The following MTR variants were observed in gnomAD, a reference collection of about 807,000 sequenced individuals.
The protein encoded by MTR is methionine synthase.
MTR carries 84 observed loss-of-function variants against 154.8 expected under a neutral mutation model. The observed-to-expected ratio is 0.54, with a 90% confidence interval of 0.45 to 0.65. MTR has a LOEUF of 0.65. Ranked by LOEUF, MTR falls within the 30% of genes least tolerant of loss-of-function variation. The pLI, the probability that MTR is intolerant of heterozygous loss-of-function variation, is 0.00. For missense variants in MTR, 1,275 were observed against 1,570.2 expected (o/e 0.81, Z 3.18); for synonymous variants, 554 against 553.9 (o/e 1.00, Z 0.00).
At chr1:236,848,429 G>T (rs1421494743) in intron 15 of MTR, among the ~76,000 whole-genome samples, 1 of 152,164 alleles carries the variant, frequency 6.6e-6, no homozygotes. Context: ...GAGCTTAGAT[G>T]AGCCATGAAC....
chr1:236,810,972 T>C (rs1661269893), intron 5 of MTR, among the ~76,000 whole-genome samples: 1 of 152,190 alleles, frequency 6.6e-6, no homozygotes, highest in Non-Finnish European at 1.5e-5. Context: ...GTCCAAACTA[T>C]CTAGACATCT....
At chr1:236,859,043 T>C (rs1245327467) in intron 18 of MTR, among the ~76,000 whole-genome samples, 1 of 152,254 alleles carries the variant, frequency 6.6e-6, no homozygotes, top group African/African-American at 2.4e-5. Context: ...ACCTCTCTTA[T>C]GACATGGCTG....
chr1:236,862,170 C>G, intron 20 of MTR, 66 bp from the exon 21 acceptor site: 9 of 1,332,850 alleles, frequency 6.8e-6, no homozygotes, highest in South Asian at 1.2e-5. Context: ...CCAAATTTCA[C>G]AAGTGGCCAT....
At chr1:236,798,312 T>C (rs1660514910) in intron 1 of MTR, among the ~76,000 whole-genome samples, 1 of 152,242 alleles carries the variant, frequency 6.6e-6, no homozygotes, top group Non-Finnish European at 1.5e-5. Flanking sequence ...ATTAGGAATT[T>C]ATTTGTTTAG....
At chr1:236,822,506 T>C (rs61831814) in intron 8 of MTR, among the ~76,000 whole-genome samples, 53,422 of 151,804 alleles carry the variant, frequency 0.35, 10,160 homozygotes, top group East Asian at 0.44. Flanking sequence ...GGTAGGGTTT[T>C]ACTGTGTTGC....
intron 31 of MTR, among the ~76,000 whole-genome samples, chr1:236,896,797 T>A (rs1406042142): frequency 6.6e-6 from 1 of 152,168 alleles, no homozygotes; most frequent in Non-Finnish European, 1.5e-5. Flanking sequence ...TTAGAGGAGA[T>A]CTGCATGTCC....
At chr1:236,859,707 T>C in intron 18 of MTR, 126 bp from the exon 19 acceptor site, 1 of 736,430 alleles carries the variant, frequency 1.4e-6, no homozygotes, top group East Asian at 2.7e-5. Flanking sequence ...CTGGACAGTC[T>C]ACTAGGGGCT....
At chr1:236,883,096 A>C (rs76428667) in intron 25 of MTR, among the ~76,000 whole-genome samples, 1 of 152,218 alleles carries the variant, frequency 6.6e-6, no homozygotes, top group Non-Finnish European at 1.5e-5. Context: ...TTCTTCTTTA[A>C]TAAAAAACGA....
intron 24 of MTR, among the ~76,000 whole-genome samples, chr1:236,878,907 T>C (rs1463268785): frequency 6.6e-6 from 1 of 152,248 alleles, no homozygotes; most frequent in Non-Finnish European, 1.5e-5. Context: ...GGCTCTTGAC[T>C]CACTGGCTTA....
At position 236,795,319 on chromosome 1, in the gene MTR, A is replaced by G; in HGVS notation, c.-385A>G. The stretch of plus-strand genomic sequence containing the variant: ...AACTAACCGCGCTCTGAAAGGTTCT[A>G]AATGTCTGCGGGGCTCAGAGCCGGA... On this transcript the variant is annotated 5_prime_UTR_variant, in exon 1 of 33. Transcript: ENST00000366577. 2.4e-6 allele frequency: 3 copies of G among 1,263,374 alleles called. No homozygotes were observed. Among genetic ancestry groups the G allele is most frequent in the Non-Finnish European group, 3.1e-6 (3 of 978,856 alleles). The allele number at this position is 1,263,374 out of a possible 1,614,324, so 78.3% of individuals were successfully genotyped here.
At chr1:236,865,747 A>G (rs1299964300) in intron 22 of MTR, among the ~76,000 whole-genome samples, 1 of 152,044 alleles carries the variant, frequency 6.6e-6, no homozygotes, top group Non-Finnish European at 1.5e-5. Context: ...TTTGTTTACC[A>G]CTTCCCAATT....
At chr1:236,890,189 C>T (rs564585706) in intron 28 of MTR, among the ~76,000 whole-genome samples, 3 of 152,142 alleles carry the variant, frequency 2.0e-5, no homozygotes, top group Non-Finnish European at 4.4e-5. Flanking sequence ...TGCTGAGACT[C>T]AGGAACTCTC....
At chr1:236,874,965 G>T in intron 24 of MTR, 119 bp downstream of exon 24, 2 of 1,162,788 alleles carry the variant, frequency 1.7e-6, no homozygotes, top group South Asian at 2.7e-5. Flanking sequence ...TTGACTTTTT[G>T]TTATATAAAC....
chr1:236,886,746 G>T (rs1666031040), intron 27 of MTR, among the ~76,000 whole-genome samples: 1 of 152,190 alleles, frequency 6.6e-6, no homozygotes, highest in Non-Finnish European at 1.5e-5. Context: ...CTGTGCTTGC[G>T]TGGGTCCCCG....
intron 3 of MTR, among the ~76,000 whole-genome samples, 154 bp from the exon 4 acceptor site, chr1:236,808,550 A>T (rs1405200323): frequency 6.6e-6 from 1 of 152,220 alleles, no homozygotes; most frequent in African/African-American, 2.4e-5. Context: ...TCTGGAGCTG[A>T]TATGCCTGCT....
chr1:236,843,846 G>A (rs919009692), intron 15 of MTR, among the ~76,000 whole-genome samples: 1 of 152,178 alleles, frequency 6.6e-6, no homozygotes, highest in Non-Finnish European at 1.5e-5. Flanking sequence ...TTTGGGATGG[G>A]GTAAGGAGAA....
intron 18 of MTR, among the ~76,000 whole-genome samples, chr1:236,855,638 T>C (rs1488346107): frequency 2.6e-5 from 4 of 152,212 alleles, no homozygotes; most frequent in Non-Finnish European, 5.9e-5. Flanking sequence ...AGCAGTTTAC[T>C]CCCTTTGATA....
At position 236,803,606 on chromosome 1, in the gene MTR, T is replaced by C. The variant is rs200338330; in HGVS notation, c.213T>C (p.Ser71=). ...TGAAAGGCAACAATGACATTTTAAG[T>C]ATAACTCAGCCTGATGTCATTTACC... The part of the protein sequence containing the change: ...RPLKGNNDIL[S]ITQPDVIYQI... Residue 71 remains serine (S), a synonymous_variant, in exon 2 of 33, where the codon AGT becomes AGC. Coordinates refer to ENST00000366577, the MANE Select transcript of MTR (RefSeq NM_000254.3). 1.7e-5 allele frequency: 27 copies of C among 1,614,172 alleles called. No individual in the cohort carries two copies. Among genetic ancestry groups the C allele is most frequent in the Non-Finnish European group, 2.3e-5 (27 of 1,180,008 alleles).
Position 236,816,471 on chromosome 1 carries a change from A to C in MTR, c.692A>C (p.Lys231Thr). Reference protein sequence around the residue: ...PIFISGTIVDKSGRTLSGQTG... With the variant: ...PIFISGTIVDTSGRTLSGQTG... ...CAGATTTCAGGGACGATCGTTGATAAAAGTGGGCGGACTCTTTCCGGACAG... is the reference window on the plus strand; with the variant it reads ...CAGATTTCAGGGACGATCGTTGATACAAGTGGGCGGACTCTTTCCGGACAG... Residue 231 changes from lysine to threonine, a missense_variant, in exon 8 of 33, where the codon AAA becomes ACA. Physicochemically the swap from Lys to Thr is moderately conservative, Grantham distance 78. Coordinates refer to ENST00000366577, the MANE Select transcript of MTR (RefSeq NM_000254.3). 1 of 1,614,144 alleles carries C rather than the reference A, an allele frequency of 6.2e-7. No individual in the cohort carries two copies. Among genetic ancestry groups the C allele is most frequent in the Non-Finnish European group, 8.5e-7 (1 of 1,179,988 alleles).
Sources: gnomAD v4.1 joint callset for allele counts (sites outside exome capture counted in the v4.1 genomes callset) on GRCh38, gnomAD v4.1.1 for gene constraint, MANE v1.5 for transcripts, NCBI Gene and HGNC (gene_info 2026-07-23, HGNC 2026-07-21) for gene names.